BBS1: variants seen among roughly 807,000 people sequenced by gnomAD.
BBS1 encodes BBSome complex member BBS1.
Under a neutral mutation model 73.9 loss-of-function variants are expected in BBS1, and 60 were observed. That is an observed-to-expected ratio of 0.81 (90% CI 0.66 to 1.01). BBS1 has a LOEUF of 1.01. Among genes scored for constraint, BBS1 ranks in the 50% least tolerant of loss-of-function variants. The pLI, the probability that BBS1 is intolerant of heterozygous loss-of-function variation, is 0.00. For synonymous variants in BBS1, 283 were observed against 317.4 expected (o/e 0.89, Z 1.15); for missense variants, 718 against 770.3 (o/e 0.93, Z 0.80).
rs563439132 is a variant in BBS1, at chr11:66,526,423, G to A, written c.1181-226G>A. On this transcript the variant is annotated intron_variant, in intron 12 of 16. Transcript: ENST00000318312. The stretch of plus-strand genomic sequence containing the variant: ...ACCCAGCATCCCCAGTGCCTGCCAC[G>A]ATGCCAGGAACATCACAGTACTCCA... Among the ~76,000 whole-genome samples, 48 of 152,336 alleles carry A rather than the reference G, an allele frequency of 3.2e-4. 1 individual carries two copies. Among genetic ancestry groups the A allele is most frequent in the Admixed American group, 2.8e-3 (43 of 15,302 alleles).
At chr11:66,510,915 T>C in intron 1 of BBS1, 98 bp from the exon 2 acceptor site, 1 of 1,454,352 alleles carries the variant, frequency 6.9e-7, no homozygotes, top group Non-Finnish European at 9.7e-7. Flanking sequence ...CCAGACGTTC[T>C]GTACCTTATG....
Position 66,526,758 on chromosome 11 carries a change from G to C in BBS1, c.1290G>C (p.Lys430Asn). Residue 430 changes from lysine to asparagine, a missense_variant, in exon 13 of 17, where the codon AAG becomes AAC. By Grantham distance (94) the Lys-to-Asn change is moderately conservative. Transcript: ENST00000318312. ...CCATGAAACTCAATGTGCCCCGAAA[G>C]ACCCGGCTTTACGTGGATCAGACAC... ...AQAMKLNVPRKTRLYVDQTLR... is the reference protein window; with the variant it reads ...AQAMKLNVPRNTRLYVDQTLR... 2.5e-6 allele frequency: 4 copies of C among 1,614,260 alleles called. No individual in the cohort carries two copies. Among genetic ancestry groups the C allele is most frequent in the Non-Finnish European group, 3.4e-6 (4 of 1,180,044 alleles).
intron 5 of BBS1, 22 bp from the exon 6 acceptor site, chr11:66,515,671 A>G (rs1328586538): frequency 1.2e-6 from 2 of 1,614,020 alleles, no homozygotes; most frequent in Admixed American, 1.7e-5. Flanking sequence ...TTCGGCTGCC[A>G]TGCTGGCCCC....
Position 66,532,615 on chromosome 11 carries a change from CTT to C in BBS1, c.*579_*580del. 6.4e-6 allele frequency: 1 copy of C among 155,178 alleles called. No homozygotes were observed. The highest frequency in any genetic ancestry group is 1.4e-5 in the Non-Finnish European group (1 of 69,802). The allele number at this position is 155,178 out of a possible 1,614,324, so 9.6% of individuals were successfully genotyped here. On this transcript the variant is annotated 3_prime_UTR_variant, in exon 17 of 17. Transcript: ENST00000318312. Reference sequence around the variant, plus strand: ...GAATAGCCCTCCTCTCCCCAGGAAACTTCTCTGAAATCTTAGACTTAGCCAGT... The same window carrying C: ...GAATAGCCCTCCTCTCCCCAGGAAACCTCTGAAATCTTAGACTTAGCCAGT...
intron 9 of BBS1, chr11:66,523,178 A>G (rs766004227): frequency 3.7e-5 from 21 of 574,304 alleles, no homozygotes; most frequent in South Asian, 3.1e-4. Context: ...CTAGATGATC[A>G]TACAAGCCAC....
chr11:66,517,783 T>A (rs931885912), intron 7 of BBS1, among the ~76,000 whole-genome samples: 1 of 151,706 alleles, frequency 6.6e-6, no homozygotes, highest in Non-Finnish European at 1.5e-5. Context: ...TTATTTATTT[T>A]TTTAAGAGAT....
In BBS1 at chr11:66,514,674, A is replaced by G; in HGVS notation, c.428A>G (p.Lys143Arg). 4 of 1,611,370 alleles carry G rather than the reference A, an allele frequency of 2.5e-6. No individual in the cohort carries two copies. The highest frequency in any genetic ancestry group is 3.4e-6 in the Non-Finnish European group (4 of 1,179,996). The change falls in exon 4 of 17, where the codon AAA (lysine) becomes AGA (arginine). Residue 143 changes from lysine to arginine, a missense_variant. Coordinates refer to ENST00000318312, the MANE Select transcript of BBS1 (RefSeq NM_024649.5). ...GAACAAGACCTTTGGAACCAGGCCA[A>G]AGAGGTAAATAAATAACATGGGAGT... is the stretch of plus-strand genomic sequence containing the variant. ...PLEQDLWNQA[K>R]EDRIDPLTLK...
At position 66,523,529 on chromosome 11, in the gene BBS1, C is replaced by A. The variant is rs762268360; in HGVS notation, c.904C>A (p.Leu302Ile). ...PVGLIRVHKV[L>I]VVGSTQDSLH... ...GGGACTTATCCGGGTACACAAGGTC[C>A]TAGTGGTGGGCAGCACCCAAGACAG... Residue 302 changes from leucine to isoleucine, a missense_variant, in exon 10 of 17, where the codon CTA becomes ATA. By Grantham distance (5) the Leu-to-Ile change is conservative. Coordinates refer to ENST00000318312, the MANE Select transcript of BBS1 (RefSeq NM_024649.5). The A allele has an allele frequency of 6.2e-7, 1 of 1,614,146 alleles. No individual in the cohort carries two copies. Among genetic ancestry groups the A allele is most frequent in the Non-Finnish European group, 8.5e-7 (1 of 1,180,008 alleles).
chr11:66,519,010 G>C (rs928682929), intron 7 of BBS1, among the ~76,000 whole-genome samples: 2 of 152,124 alleles, frequency 1.3e-5, no homozygotes. Context: ...CAGTCCACCT[G>C]CCTTGGTCCC....
chr11:66,510,891 G>A (rs925104703), intron 1 of BBS1, 122 bp from the exon 2 acceptor site: 2 of 1,391,968 alleles, frequency 1.4e-6, no homozygotes, highest in Non-Finnish European at 1.0e-6. Flanking sequence ...CAGTGGCGGA[G>A]CCTGGACTTG....
chr11:66,531,736 C>T lies in BBS1; in HGVS notation c.1689C>T (p.Ile563=), dbSNP rs750844691. Residue 563 remains isoleucine, a synonymous_variant, in exon 16 of 17, where the codon ATC becomes ATT. Coordinates refer to ENST00000318312, the MANE Select transcript of BBS1 (RefSeq NM_024649.5). ...TCAGTAACAAGGGCATCTCAGACAT[C>T]ATCAAGGTAGGCCCCGCACTTGTAC... ...ESLSNKGISD[I]IKVLVLREGQ... The T allele has an allele frequency of 1.2e-6, 2 of 1,614,038 alleles. No individual in the cohort carries two copies. Among genetic ancestry groups the T allele is most frequent in the Non-Finnish European group, 1.7e-6 (2 of 1,179,980 alleles).
intron 1 of BBS1, 84 bp downstream of exon 1, chr11:66,510,790 C>T: frequency 6.3e-7 from 1 of 1,576,644 alleles, no homozygotes; most frequent in South Asian, 1.1e-5. Flanking sequence ...TCCTGCTGTT[C>T]TCGGGCAGTC....
At chr11:66,517,866 A>G (rs892545151) in intron 7 of BBS1, among the ~76,000 whole-genome samples, 2 of 152,048 alleles carry the variant, frequency 1.3e-5, no homozygotes, top group Non-Finnish European at 2.9e-5. Flanking sequence ...GGGCCTCCCA[A>G]AGTGCTGGGA....
intron 7 of BBS1, among the ~76,000 whole-genome samples, chr11:66,518,247 G>A (rs935972032): frequency 6.6e-5 from 10 of 150,590 alleles, no homozygotes; most frequent in Admixed American, 5.3e-4. Flanking sequence ...GTGAACCACC[G>A]CATCCGGCCT....
At chr11:66,527,038 AG>A in intron 13 of BBS1, 1 of 1,535,466 alleles carries the variant, frequency 6.5e-7, no homozygotes, top group Non-Finnish European at 8.7e-7. Flanking sequence ...CTTAGAATTC[AG>A]GGAAGGGAGC....
At chr11:66,531,548 C>T in intron 15 of BBS1, 108 bp from the exon 16 acceptor site, 1 of 1,442,164 alleles carries the variant, frequency 6.9e-7, no homozygotes, top group African/African-American at 1.4e-5. Flanking sequence ...TCCTGCCCAC[C>T]CTGCAGGGGT....
At chr11:66,530,846 C>T in intron 14 of BBS1, 48 bp from the exon 15 acceptor site, 1 of 1,614,044 alleles carries the variant, frequency 6.2e-7, no homozygotes, top group Non-Finnish European at 8.5e-7. Context: ...TACTCCGTGC[C>T]CAAGGCTGCC....
At chr11:66,528,173 G>A (rs1220492129) in intron 13 of BBS1, among the ~76,000 whole-genome samples, 1 of 152,122 alleles carries the variant, frequency 6.6e-6, no homozygotes, top group South Asian at 2.1e-4. Context: ...CCAAGATCAC[G>A]CCACTGCACT....
chr11:66,515,490 G>A (rs746065589), intron 4 of BBS1, 50 bp from the exon 5 acceptor site: 1 of 1,604,102 alleles, frequency 6.2e-7, no homozygotes, highest in Non-Finnish European at 8.5e-7. Context: ...GTAGACATTG[G>A]GTTTCCTGCC....
Sources: gnomAD v4.1 joint callset for allele counts (sites outside exome capture counted in the v4.1 genomes callset) on GRCh38, gnomAD v4.1.1 for gene constraint, MANE v1.5 for transcripts, NCBI Gene and HGNC (gene_info 2026-07-23, HGNC 2026-07-21) for gene names.